EXOC2: variants seen among roughly 807,000 people sequenced by gnomAD.
The protein encoded by EXOC2 is exocyst complex component 2, also known as SEC5-like 1.
EXOC2 carries 70 observed loss-of-function variants against 131.8 expected under a neutral mutation model. The ratio of observed to expected loss-of-function variants is 0.53; its 90% CI spans 0.44 to 0.65. The LOEUF (loss-of-function observed/expected upper bound fraction) is 0.65. Ranked by LOEUF, EXOC2 falls within the 30% of genes least tolerant of loss-of-function variation. The pLI, the probability that EXOC2 is intolerant of heterozygous loss-of-function variation, is 0.00. For missense variants in EXOC2, 923 were observed against 1,108.6 expected (o/e 0.83, Z 2.38); for synonymous variants, 411 against 398.4 (o/e 1.03, Z -0.38).
chr6:518,397 A>T (rs180768097), intron 23 of EXOC2, among the ~76,000 whole-genome samples: 2 of 152,362 alleles, frequency 1.3e-5, no homozygotes, highest in East Asian at 3.8e-4. Flanking sequence ...AAAAGTTTTT[A>T]AATGACTTGG....
intron 7 of EXOC2, among the ~76,000 whole-genome samples, chr6:605,574 CT>C (rs1339476612): frequency 1.3e-5 from 2 of 152,052 alleles, no homozygotes; most frequent in Non-Finnish European, 2.9e-5. Flanking sequence ...TTTATTGCAT[CT>C]ATTTGATTCT....
At chr6:638,241 A>G (rs981232701) in intron 1 of EXOC2, among the ~76,000 whole-genome samples, 2 of 152,344 alleles carry the variant, frequency 1.3e-5, no homozygotes, top group South Asian at 4.1e-4. Context: ...ATTCTGATTA[A>G]CTATACTCAT....
At chr6:486,806 G>A in intron 27 of EXOC2, 42 bp from the exon 28 acceptor site, 1 of 1,548,912 alleles carries the variant, frequency 6.5e-7, no homozygotes, top group Non-Finnish European at 8.9e-7. Flanking sequence ...GACAGATGGG[G>A]CGGCCTAGCA....
chr6:534,563 A>C (rs1581384764), intron 22 of EXOC2, among the ~76,000 whole-genome samples: 2 of 152,376 alleles, frequency 1.3e-5, no homozygotes, highest in African/African-American at 4.8e-5. Flanking sequence ...CTGGGAGCTG[A>C]AATCACTGGA....
chr6:555,762 T>C (rs1399561365), intron 19 of EXOC2, among the ~76,000 whole-genome samples, 192 bp downstream of exon 19: 1 of 152,200 alleles, frequency 6.6e-6, no homozygotes, highest in Non-Finnish European at 1.5e-5. Flanking sequence ...CATTTGGGTA[T>C]TGCTAAAACA....
rs1437675982 is a variant in EXOC2 at position 486,356 on chromosome 6, T to C, written c.*315A>G. The C allele has an allele frequency of 1.2e-5, 3 of 245,780 alleles. No homozygotes were observed. The highest frequency in any genetic ancestry group is 2.3e-5 in the Non-Finnish European group (3 of 127,990). The allele number at this position is 245,780 out of a possible 1,614,324, so 15.2% of individuals were successfully genotyped here. A position where few individuals can be genotyped will look rare whatever the true frequency, so the allele number is the denominator to read the frequency against. ...AATGCTTCAATATGTGCCACGCCAT[T>C]CCAGAAAACTCCCTGCAGAAGCAGC... is the stretch of plus-strand genomic sequence containing the variant. On this transcript the variant is annotated 3_prime_UTR_variant, in exon 28 of 28. Transcript: ENST00000230449.
intron 10 of EXOC2, among the ~76,000 whole-genome samples, chr6:596,854 T>C (rs1190357247): frequency 6.6e-6 from 1 of 152,252 alleles, no homozygotes; most frequent in Non-Finnish European, 1.5e-5. Context: ...AAAATGAAGT[T>C]AATATTTTTA....
chr6:603,189 C>T (rs908373203), intron 7 of EXOC2, among the ~76,000 whole-genome samples: 1 of 152,070 alleles, frequency 6.6e-6, no homozygotes, highest in Non-Finnish European at 1.5e-5. Flanking sequence ...TGCTACCCCA[C>T]CCACCACAGC....
At chr6:533,267 G>A (rs1766212443) in intron 22 of EXOC2, among the ~76,000 whole-genome samples, 1 of 151,840 alleles carries the variant, frequency 6.6e-6, no homozygotes, top group Admixed American at 6.6e-5. Flanking sequence ...AGAGCAAGAG[G>A]CATTATAAAT....
chr6:641,297 T>A (rs1449980306), intron 1 of EXOC2, among the ~76,000 whole-genome samples: 2 of 151,528 alleles, frequency 1.3e-5, no homozygotes, highest in Non-Finnish European at 2.9e-5. Flanking sequence ...TATAATAGAG[T>A]ATTTGACCTC....
chr6:564,169 A>T lies in EXOC2; in HGVS notation c.1668-15T>A. The T allele has an allele frequency of 6.2e-7, 1 of 1,613,182 alleles. No homozygotes were observed. Among genetic ancestry groups the T allele is most frequent in the Non-Finnish European group, 8.5e-7 (1 of 1,179,554 alleles). On this transcript the variant is annotated splice_polypyrimidine_tract_variant and intron_variant, in intron 15 of 27. Transcript: ENST00000230449. ...CATGAGTAAGTCTGCGAACAAACAC[A>T]TCCAAACAGAAGTGAGCAGAGTGGG...
chr6:509,875 A>G (rs762762571), intron 23 of EXOC2, among the ~76,000 whole-genome samples: 3 of 152,184 alleles, frequency 2.0e-5, no homozygotes, highest in Non-Finnish European at 4.4e-5. Flanking sequence ...TGGAGATACT[A>G]CCTACTGTAT....
intron 24 of EXOC2, among the ~76,000 whole-genome samples, 193 bp downstream of exon 24, chr6:499,441 ACACACACACAC>A (rs1763917193): frequency 6.9e-6 from 1 of 144,172 alleles, no homozygotes; most frequent in Non-Finnish European, 1.6e-5. Context: ...ACACACACAC[ACACACACACAC>A]ACACACACAC....
At chr6:634,856 A>G (rs1195604893) in intron 2 of EXOC2, among the ~76,000 whole-genome samples, 1 of 152,230 alleles carries the variant, frequency 6.6e-6, no homozygotes, top group African/African-American at 2.4e-5. Flanking sequence ...AAAAACTTAA[A>G]TAACTTAAGA....
intron 1 of EXOC2, among the ~76,000 whole-genome samples, chr6:678,123 A>C (rs976132367): frequency 2.0e-5 from 3 of 152,216 alleles, no homozygotes; most frequent in Non-Finnish European, 4.4e-5. Flanking sequence ...TAATCAGTGC[A>C]AAGTGGATTG....
chr6:491,006 T>A, intron 26 of EXOC2, 119 bp downstream of exon 26: 1 of 1,050,916 alleles, frequency 9.5e-7, no homozygotes, highest in Non-Finnish European at 1.5e-6. Context: ...ATAAACTTTA[T>A]CACATCACAA....
At chr6:521,061 GAGGAAA>G (rs1765426165) in intron 23 of EXOC2, among the ~76,000 whole-genome samples, 1 of 20,522 alleles carries the variant, frequency 4.9e-5, no homozygotes, top group African/African-American at 2.5e-4. Context: ...CACACTCGGA[GAGGAAA>G]ACCACCACCC....
At chr6:658,249 C>T (rs1763230907) in intron 1 of EXOC2, among the ~76,000 whole-genome samples, 2 of 152,114 alleles carry the variant, frequency 1.3e-5, no homozygotes, top group Non-Finnish European at 2.9e-5. Flanking sequence ...TCTCCCACTG[C>T]CCTATCTTGA....
chr6:654,837 A>AAAG (rs1762996645), intron 1 of EXOC2, among the ~76,000 whole-genome samples: 1 of 141,140 alleles, frequency 7.1e-6, no homozygotes, highest in African/African-American at 2.6e-5. Context: ...AAAAAAAAAA[A>AAAG]GTAGAGCCTT....
Sources: allele counts gnomAD v4.1 joint callset (sites outside exome capture counted in the v4.1 genomes callset), GRCh38; gene constraint gnomAD v4.1.1; transcripts MANE v1.5; gene names NCBI Gene and HGNC (gene_info 2026-07-23, HGNC 2026-07-21).